SLC2A13: variants seen among roughly 807,000 people sequenced by gnomAD.
SLC2A13 encodes proton myo-inositol cotransporter.
SLC2A13 carries 32 observed loss-of-function variants against 64.4 expected under a neutral mutation model. That is an observed-to-expected ratio of 0.50 (90% CI 0.37 to 0.67). SLC2A13 has a LOEUF of 0.67. Ranked by LOEUF, SLC2A13 falls within the 30% of genes least tolerant of loss-of-function variation. SLC2A13 has a pLI of 0.00. For missense variants in SLC2A13, 743 were observed against 829.2 expected (o/e 0.90, Z 1.28); for synonymous variants, 338 against 327.1 (o/e 1.03, Z -0.36).
At chr12:40,036,761 G>T (rs1947993537) in intron 2 of SLC2A13, among the ~76,000 whole-genome samples, 1 of 152,106 alleles carries the variant, frequency 6.6e-6, no homozygotes, top group Non-Finnish European at 1.5e-5. Context: ...TAGGTCCTCT[G>T]ATTTTCCATA....
chr12:39,977,726 G>A (rs1011202341), intron 3 of SLC2A13, among the ~76,000 whole-genome samples: 10 of 152,212 alleles, frequency 6.6e-5, no homozygotes, highest in African/African-American at 2.4e-4. Flanking sequence ...AATCAAGGTA[G>A]CTTTTGGCAG....
At chr12:39,929,498 C>A (rs147514593) in intron 4 of SLC2A13, among the ~76,000 whole-genome samples, 336 of 151,110 alleles carry the variant, frequency 2.2e-3, no homozygotes, top group African/African-American at 7.9e-3. Flanking sequence ...TTGCAGTGAG[C>A]CGAGATCGAG....
chr12:39,794,628 T>C (rs912823398), intron 7 of SLC2A13, among the ~76,000 whole-genome samples: 3 of 152,144 alleles, frequency 2.0e-5, no homozygotes, highest in Non-Finnish European at 4.4e-5. Context: ...AATCCAGCTG[T>C]TTTTGTACTT....
At chr12:40,078,775 G>C (rs1243071876) in intron 1 of SLC2A13, among the ~76,000 whole-genome samples, 3 of 152,100 alleles carry the variant, frequency 2.0e-5, no homozygotes, top group Non-Finnish European at 4.4e-5. Flanking sequence ...GCTTTTACTG[G>C]TTGGTAGGTT....
chr12:40,093,422 C>G (rs529670563), intron 1 of SLC2A13, among the ~76,000 whole-genome samples: 1 of 152,238 alleles, frequency 6.6e-6, no homozygotes, highest in South Asian at 2.1e-4. Flanking sequence ...CTACACTATT[C>G]AATGGTGGAA....
intron 7 of SLC2A13, among the ~76,000 whole-genome samples, chr12:39,827,694 T>A (rs1942733874): frequency 1.3e-5 from 2 of 152,296 alleles, no homozygotes; most frequent in Admixed American, 6.5e-5. Context: ...ATAATTTTTT[T>A]AAGTTTTCAT....
chr12:39,816,520 G>A (rs1292874746), intron 7 of SLC2A13, among the ~76,000 whole-genome samples: 1 of 151,594 alleles, frequency 6.6e-6, no homozygotes, highest in African/African-American at 2.4e-5. Context: ...CATGGCACAT[G>A]TATACATATG....
chr12:40,004,956 G>A (rs2136187514), intron 3 of SLC2A13, among the ~76,000 whole-genome samples: 1 of 152,250 alleles, frequency 6.6e-6, no homozygotes, highest in South Asian at 2.1e-4. Flanking sequence ...AGTAGGATGA[G>A]GAAGAGGAGG....
intron 6 of SLC2A13, among the ~76,000 whole-genome samples, chr12:39,838,517 AAAAG>A (rs1456608719): frequency 1.3e-5 from 2 of 151,042 alleles, no homozygotes; most frequent in Non-Finnish European, 3.0e-5. Context: ...AAAAAAAAAA[AAAAG>A]AAAGGGAGAA....
intron 3 of SLC2A13, among the ~76,000 whole-genome samples, chr12:40,019,335 C>G (rs1947674591): frequency 6.7e-6 from 1 of 149,618 alleles, no homozygotes; most frequent in Non-Finnish European, 1.5e-5. Context: ...GTTCTAAGCT[C>G]TTTAAGAGCA....
chr12:39,914,840 A>G (rs1273756805), intron 4 of SLC2A13, among the ~76,000 whole-genome samples: 1 of 151,984 alleles, frequency 6.6e-6, no homozygotes, highest in Non-Finnish European at 1.5e-5. Context: ...ATAAAACTAT[A>G]AACTAATAGA....
chr12:39,831,412 C>T (rs764339215), intron 6 of SLC2A13, among the ~76,000 whole-genome samples: 2 of 151,962 alleles, frequency 1.3e-5, no homozygotes, highest in Non-Finnish European at 2.9e-5. Context: ...GTGTACAAGT[C>T]GTGATACTAT....
chr12:39,813,803 C>G (rs1942261481), intron 7 of SLC2A13, among the ~76,000 whole-genome samples: 1 of 152,100 alleles, frequency 6.6e-6, no homozygotes, highest in Admixed American at 6.6e-5. Context: ...TTTAAAATAG[C>G]AATTAAAAAG....
At chr12:40,059,087 A>G (rs1056394031) in intron 1 of SLC2A13, among the ~76,000 whole-genome samples, 4 of 152,188 alleles carry the variant, frequency 2.6e-5, no homozygotes, top group Non-Finnish European at 5.9e-5. Flanking sequence ...TAACTCTGAG[A>G]CACTGACACA....
intron 1 of SLC2A13, among the ~76,000 whole-genome samples, chr12:40,056,293 GAAC>G (rs1565607771): frequency 6.6e-6 from 1 of 151,936 alleles, no homozygotes; most frequent in Non-Finnish European, 1.5e-5. Context: ...GTTATAAAGA[GAAC>G]AACACTGGAT....
intron 6 of SLC2A13, among the ~76,000 whole-genome samples, chr12:39,853,251 C>G (rs1943516003): frequency 6.6e-6 from 1 of 152,054 alleles, no homozygotes; most frequent in Admixed American, 6.6e-5. Context: ...GCTTGATATC[C>G]TTTGTGGAAA....
At chr12:40,013,233 C>A (rs926277538) in intron 3 of SLC2A13, among the ~76,000 whole-genome samples, 1 of 151,428 alleles carries the variant, frequency 6.6e-6, no homozygotes, top group Non-Finnish European at 1.5e-5. Context: ...TAAGTGAGGT[C>A]AAAAATTTAC....
At chr12:39,822,555 G>T (rs1203799611) in intron 7 of SLC2A13, among the ~76,000 whole-genome samples, 1 of 152,046 alleles carries the variant, frequency 6.6e-6, no homozygotes, top group African/African-American at 2.4e-5. Flanking sequence ...CTTCATCTCT[G>T]CTGTACACCT....
At chr12:39,929,912 C>T (rs1182892137) in intron 4 of SLC2A13, among the ~76,000 whole-genome samples, 2 of 152,034 alleles carry the variant, frequency 1.3e-5, no homozygotes, top group African/African-American at 4.8e-5. Context: ...GGACGGATCA[C>T]CTGAGGTCAG....
Sources: allele counts gnomAD v4.1 joint callset (sites outside exome capture counted in the v4.1 genomes callset), GRCh38; gene constraint gnomAD v4.1.1; transcripts MANE v1.5; gene names NCBI Gene and HGNC (gene_info 2026-07-23, HGNC 2026-07-21).